The following ACTL8 variants were observed in gnomAD, a reference collection of about 807,000 sequenced individuals.
ACTL8 encodes the protein actin-like protein 8.
A neutral mutation model predicts 9.3 loss-of-function variants in ACTL8; 3 were observed. The ratio of observed to expected loss-of-function variants is 0.32; its 90% CI spans 0.15 to 0.83. ACTL8 has a LOEUF of 0.83. Among genes scored for constraint, ACTL8 ranks in the 40% least tolerant of loss-of-function variants. The pLI is 0.57. For missense variants in ACTL8, 381 were observed against 492.2 expected (o/e 0.77, Z 2.14); for synonymous variants, 224 against 205.9 (o/e 1.09, Z -0.75).
intron 1 of ACTL8, among the ~76,000 whole-genome samples, chr1:17,784,016 T>C (rs2066176841): frequency 6.6e-6 from 1 of 152,236 alleles, no homozygotes. Flanking sequence ...TTGTCTAGTC[T>C]GTGATATGGG....
intron 1 of ACTL8, 51 bp downstream of exon 1, chr1:17,755,555 TG>T: frequency 6.8e-6 from 1 of 147,910 alleles, no homozygotes; most frequent in Admixed American, 6.6e-5. Flanking sequence ...GGCCCCTGAC[TG>T]TTTTTTTTTT....
intron 1 of ACTL8, among the ~76,000 whole-genome samples, chr1:17,810,778 T>TGCAGTATGTAAG (rs1443760714): frequency 3.3e-5 from 5 of 152,358 alleles, no homozygotes; most frequent in Admixed American, 6.5e-5. Flanking sequence ...TAAGTCTGGT[T>TGCAGTATGTAAG]TATTTCATGT....
chr1:17,757,458 G>A (rs2065975579), intron 1 of ACTL8, among the ~76,000 whole-genome samples: 1 of 152,066 alleles, frequency 6.6e-6, no homozygotes, highest in Non-Finnish European at 1.5e-5. Context: ...AATCTAAACT[G>A]CAAGTCACTC....
chr1:17,790,059 G>A (rs182056056), intron 1 of ACTL8, among the ~76,000 whole-genome samples: 47 of 152,358 alleles, frequency 3.1e-4, no homozygotes, highest in African/African-American at 9.9e-4. Flanking sequence ...AGACATGCCA[G>A]CTGCTGCAGT....
intron 1 of ACTL8, among the ~76,000 whole-genome samples, chr1:17,820,165 CCT>C (rs1347947918): frequency 6.6e-6 from 1 of 152,122 alleles, no homozygotes. Context: ...CTGGTCATCC[CCT>C]CTCACCACCT....
At chr1:17,780,816 G>A (rs192663792) in intron 1 of ACTL8, among the ~76,000 whole-genome samples, 65 of 152,168 alleles carry the variant, frequency 4.3e-4, no homozygotes, top group Middle Eastern at 3.4e-3. Flanking sequence ...AGATAGTTCC[G>A]GGTAGTGGCC....
intron 1 of ACTL8, among the ~76,000 whole-genome samples, chr1:17,815,752 TGAG>T (rs2066422362): frequency 6.6e-6 from 1 of 152,220 alleles, no homozygotes; most frequent in African/African-American, 2.4e-5. Flanking sequence ...AAACTTTTTC[TGAG>T]CCAGTCTTTT....
intron 1 of ACTL8, among the ~76,000 whole-genome samples, chr1:17,778,582 A>G (rs536434253): frequency 1.3e-5 from 2 of 152,318 alleles, no homozygotes; most frequent in South Asian, 4.2e-4. Context: ...AAGAAAGAAT[A>G]GTATTCTCGG....
At chr1:17,769,604 G>A (rs1488570166) in intron 1 of ACTL8, among the ~76,000 whole-genome samples, 1 of 152,116 alleles carries the variant, frequency 6.6e-6, no homozygotes, top group East Asian at 1.9e-4. Flanking sequence ...TGGTGATCGT[G>A]GCAGGGTGTT....
chr1:17,769,328 C>T (rs1012544577), intron 1 of ACTL8, among the ~76,000 whole-genome samples: 1 of 152,126 alleles, frequency 6.6e-6, no homozygotes, highest in Admixed American at 6.5e-5. Flanking sequence ...CACTGCAGAG[C>T]TGTTTCTCTT....
At chr1:17,776,868 T>A (rs1306336723) in intron 1 of ACTL8, among the ~76,000 whole-genome samples, 2 of 151,650 alleles carry the variant, frequency 1.3e-5, no homozygotes, top group Non-Finnish European at 2.9e-5. Context: ...GGTAAGATCA[T>A]GGCTTACTGC....
intron 1 of ACTL8, among the ~76,000 whole-genome samples, chr1:17,773,324 G>C (rs983173259): frequency 6.6e-6 from 1 of 152,224 alleles, no homozygotes; most frequent in African/African-American, 2.4e-5. Flanking sequence ...ACCGATCGCT[G>C]TGCCTTGCTC....
chr1:17,789,767 G>A (rs2066224672), intron 1 of ACTL8, among the ~76,000 whole-genome samples: 1 of 151,522 alleles, frequency 6.6e-6, no homozygotes. Context: ...GTGGGAGAAA[G>A]AGAGATAACA....
At chr1:17,802,363 C>T (rs369024531) in intron 1 of ACTL8, among the ~76,000 whole-genome samples, 3 of 151,768 alleles carry the variant, frequency 2.0e-5, no homozygotes, top group Admixed American at 1.3e-4. Context: ...TGAGGGTGGA[C>T]GTGGAGTCAG....
At chr1:17,810,357 T>G (rs2124182062) in intron 1 of ACTL8, among the ~76,000 whole-genome samples, 1 of 152,358 alleles carries the variant, frequency 6.6e-6, no homozygotes, top group African/African-American at 2.4e-5. Context: ...TATTTGAAAG[T>G]AAATCTCATG....
chr1:17,783,567 G>A (rs373850672), intron 1 of ACTL8, among the ~76,000 whole-genome samples: 27 of 152,274 alleles, frequency 1.8e-4, no homozygotes, highest in African/African-American at 6.5e-4. Context: ...TTCCATTCCT[G>A]CTGCCGTTTG....
Position 17,798,079 on chromosome 1 carries a change from G to T in ACTL8, c.-24-24906G>T, listed in dbSNP as rs974693682. Among the ~76,000 whole-genome samples the T allele has an allele frequency of 1.3e-5, 2 of 151,176 alleles. 1 individual carries two copies. The highest frequency in any genetic ancestry group is 4.2e-4 in the South Asian group (2 of 4,786). ...TTACCTCCACCACATCTTCAGTCTGGGGGCACCTGGGTTCTCTCCTAGGAT... is the reference window on the plus strand; with the variant it reads ...TTACCTCCACCACATCTTCAGTCTGTGGGCACCTGGGTTCTCTCCTAGGAT... On this transcript the variant is annotated intron_variant, in intron 1 of 2. Coordinates refer to ENST00000375406, the MANE Select transcript of ACTL8 (RefSeq NM_030812.3).
intron 1 of ACTL8, among the ~76,000 whole-genome samples, chr1:17,809,047 C>T (rs561185948): frequency 2.6e-5 from 4 of 152,196 alleles, no homozygotes; most frequent in South Asian, 4.1e-4. Flanking sequence ...GAGTGCAGCC[C>T]ATATGGAGCT....
At chr1:17,819,896 C>G (rs2053635454) in intron 1 of ACTL8, among the ~76,000 whole-genome samples, 1 of 152,038 alleles carries the variant, frequency 6.6e-6, no homozygotes, top group South Asian at 2.1e-4. Context: ...GTAGCCCCAG[C>G]TACCCAGGAG....
Sources: gnomAD v4.1 joint callset for allele counts (sites outside exome capture counted in the v4.1 genomes callset) on GRCh38, gnomAD v4.1.1 for gene constraint, MANE v1.5 for transcripts, NCBI Gene and HGNC (gene_info 2026-07-23, HGNC 2026-07-21) for gene names.